Variants in ACP2 observed in about 807,000 individuals in gnomAD.
The protein encoded by ACP2 is acid phosphatase 2, lysosomal.
ACP2 carries 35 observed loss-of-function variants against 54.7 expected under a neutral mutation model. The ratio of observed to expected loss-of-function variants is 0.64; its 90% CI spans 0.49 to 0.85. The LOEUF (loss-of-function observed/expected upper bound fraction) is 0.85. ACP2 is among the 40% of genes least tolerant of loss of function. The pLI, the probability that ACP2 is intolerant of heterozygous loss-of-function variation, is 0.00. For missense variants in ACP2, 492 were observed against 565.0 expected (o/e 0.87, Z 1.31); for synonymous variants, 210 against 224.4 (o/e 0.94, Z 0.57).
In ACP2 at chr11:47,248,027, T is replaced by C; in HGVS notation, c.210+11A>G. On this transcript the variant is annotated intron_variant, in intron 2 of 10. Transcript: ENST00000672073. ...CAGCTCATCCTGAGGAAAGGCTGGC[T>C]TCTGACCCACCTTGGTTAACTGACC... 1 of 1,583,860 alleles carries C rather than the reference T, an allele frequency of 6.3e-7. No homozygotes were observed. The highest frequency in any genetic ancestry group is 1.2e-5 in the South Asian group (1 of 86,064).
chr11:47,248,200 T>C, intron 1 of ACP2, 67 bp from the exon 2 acceptor site: 1 of 1,438,278 alleles, frequency 7.0e-7, no homozygotes, highest in Non-Finnish European at 9.4e-7. Flanking sequence ...AGAGCCTACC[T>C]TTTGCCCCAT....
chr11:47,239,632 A>G lies in ACP2; in HGVS notation c.*484T>C. On this transcript the variant is annotated 3_prime_UTR_variant, in exon 11 of 11. Transcript: ENST00000672073. ...TGGCTGGCTGGCTGTTGGGTGATCC[A>G]GTTCCTTGGGAGCCAATGTTTGTAC... The G allele has an allele frequency of 6.4e-6, 1 of 156,012 alleles. No homozygotes were observed. Among genetic ancestry groups the G allele is most frequent in the Non-Finnish European group, 1.4e-5 (1 of 70,278 alleles). 9.7% of individuals were successfully genotyped at this position (156,012 alleles called of 1,614,324 possible).
Position 47,243,182 on chromosome 11 carries a change from A to G in ACP2, c.855+57T>C, listed in dbSNP as rs1251965687. On this transcript the variant is annotated intron_variant, in intron 8 of 10. Transcript: ENST00000672073. ...TTCCCCACACCCGCAGGAACCGAACAGAGAAGAAATCCAGCTCCTTGCCTG... is the reference window on the plus strand; with the variant it reads ...TTCCCCACACCCGCAGGAACCGAACGGAGAAGAAATCCAGCTCCTTGCCTG... 43 of 1,613,310 alleles carry G rather than the reference A, an allele frequency of 2.7e-5. 1 individual carries two copies. The East Asian group carries it at 9.4e-4, about 35-fold the overall frequency.
At chr11:47,244,495 A>C (rs921895708) in intron 7 of ACP2, among the ~76,000 whole-genome samples, 1 of 152,184 alleles carries the variant, frequency 6.6e-6, no homozygotes, top group Non-Finnish European at 1.5e-5. Flanking sequence ...AGCCTGGGTG[A>C]CAAGAGGGAA....
intron 6 of ACP2, 126 bp downstream of exon 6, chr11:47,245,179 C>T (rs748992995): frequency 8.0e-6 from 9 of 1,118,484 alleles, no homozygotes; most frequent in Non-Finnish European, 1.2e-5. Context: ...CCGTGTTTCA[C>T]AAGCACAGCC....
At position 47,240,019 on chromosome 11, in the gene ACP2, A is replaced by G; in HGVS notation, c.*97T>C. 7 of 1,409,174 alleles carry G rather than the reference A, an allele frequency of 5.0e-6. No homozygotes were observed. The highest frequency in any genetic ancestry group is 6.7e-6 in the Non-Finnish European group (7 of 1,040,520). The allele number at this position is 1,409,174 out of a possible 1,614,324, so 87.3% of individuals were successfully genotyped here. A position where few individuals can be genotyped will look rare whatever the true frequency, so the allele number is the denominator to read the frequency against. On this transcript the variant is annotated 3_prime_UTR_variant, in exon 11 of 11. Coordinates refer to ENST00000672073, the MANE Select transcript of ACP2 (RefSeq NM_001610.4). ...GGGTCATCAGAGGGAGGCCCAACCC[A>G]GGATCTCCTGTCCATGGGCTGGGGA... is the stretch of plus-strand genomic sequence containing the variant.
Position 47,248,263 on chromosome 11 carries a change from C to A in ACP2, c.115-130G>T. 4 of 1,069,558 alleles carry A rather than the reference C, an allele frequency of 3.7e-6. No homozygotes were observed. In the East Asian group the frequency reaches 7.5e-5, roughly 20 times the overall value. 66.3% of individuals were successfully genotyped at this position (1,069,558 alleles called of 1,614,324 possible). On this transcript the variant is annotated intron_variant, in intron 1 of 10. Coordinates refer to ENST00000672073, the MANE Select transcript of ACP2 (RefSeq NM_001610.4). The stretch of plus-strand genomic sequence containing the variant: ...GGGAAGCCTACTGGCTGCAAAAGAC[C>A]CCAGCTAGGAGTCAGTCACTTCTTC...
intron 2 of ACP2, 105 bp downstream of exon 2, chr11:47,247,933 C>T (rs558284880): frequency 1.9e-6 from 2 of 1,066,390 alleles, no homozygotes; most frequent in Non-Finnish European, 2.7e-6. Flanking sequence ...AAAGTCAGCA[C>T]CCATATGGGA....
intron 10 of ACP2, among the ~76,000 whole-genome samples, chr11:47,241,451 A>C (rs1298087010): frequency 6.6e-6 from 1 of 152,196 alleles, no homozygotes; most frequent in Non-Finnish European, 1.5e-5. Context: ...CGGGAGGCGG[A>C]GGTTGCAGTG....
chr11:47,246,590 T>C (rs1451532603), intron 3 of ACP2, among the ~76,000 whole-genome samples: 1 of 151,562 alleles, frequency 6.6e-6, no homozygotes, highest in African/African-American at 2.4e-5. Flanking sequence ...ATGTATATAT[T>C]TTGGGCCGGG....
intron 8 of ACP2, 43 bp downstream of exon 8, chr11:47,243,196 G>T: frequency 6.2e-7 from 1 of 1,613,264 alleles, no homozygotes; most frequent in Non-Finnish European, 8.5e-7. Flanking sequence ...AAGAAATCCA[G>T]CTCCTTGCCT....
intron 3 of ACP2, 86 bp from the exon 4 acceptor site, chr11:47,245,920 G>A (rs538511053): frequency 2.1e-6 from 3 of 1,447,976 alleles, no homozygotes; most frequent in Non-Finnish European, 2.7e-6. Context: ...GTGGAGCCTT[G>A]TATGTATGTG....
Position 47,244,865 on chromosome 11 carries a change from T to TGTATCG in ACP2, c.641_642insCGATAC (p.Gln214delinsHisAspThr). 1 of 1,603,700 alleles carries TGTATCG rather than the reference T, an allele frequency of 6.2e-7. No individual in the cohort carries two copies. Among genetic ancestry groups the TGTATCG allele is most frequent in the South Asian group, 1.1e-5 (1 of 90,566 alleles). On this transcript the variant is annotated protein_altering_variant and splice_region_variant, in exon 7 of 11. Transcript: ENST00000672073. Reference sequence around the variant, plus strand: ...AGGGCGGCAGGCGCAGCCCGTGCGTTTGCTGTGTATCGCAGCAGGCAGGTT... The same window carrying TGTATCG: ...AGGGCGGCAGGCGCAGCCCGTGCGTTGTATCGTGCTGTGTATCGCAGCAGGCAGGTT...
At chr11:47,248,375 G>T (rs1954297771) in intron 1 of ACP2, 1 of 1,440,492 alleles carries the variant, frequency 6.9e-7, no homozygotes, top group Non-Finnish European at 9.4e-7. Context: ...GAAAAGAGAA[G>T]TGAAAGCAAC....
At chr11:47,242,581 G>A (rs1248355866) in intron 10 of ACP2, 142 bp downstream of exon 10, 4 of 899,472 alleles carry the variant, frequency 4.4e-6, no homozygotes, top group East Asian at 2.5e-5. Flanking sequence ...TGGGGAGAAG[G>A]TATAAAGCAG....
chr11:47,244,867 G>GCT lies in ACP2; in HGVS notation c.640-2_640-1dup (p.Gln214SerfsTer23), dbSNP rs764983839. ...GGCGGCAGGCGCAGCCCGTGCGTTTGCTGTGTATCGCAGCAGGCAGGTTAG... is the reference window on the plus strand; with the variant it reads ...GGCGGCAGGCGCAGCCCGTGCGTTTGCTCTGTGTATCGCAGCAGGCAGGTTAG... On this transcript the variant is annotated frameshift_variant and splice_region_variant. Transcript: ENST00000672073. LOFTEE classifies it high-confidence loss of function. The GCT allele has an allele frequency of 1.4e-5, 23 of 1,601,234 alleles. No homozygotes were observed. In the African/African-American group the frequency reaches 2.4e-4, roughly 17 times the overall value.
chr11:47,244,613 T>G, intron 7 of ACP2, 122 bp downstream of exon 7: 1 of 664,634 alleles, frequency 1.5e-6, no homozygotes, highest in East Asian at 2.9e-5. Context: ...GGAGGGGGAT[T>G]TGGTTTTGAA....
In ACP2 at chr11:47,239,373, A is replaced by T; in HGVS notation, c.*743T>A. The T allele has an allele frequency of 5.3e-6, 1 of 187,868 alleles. No homozygotes were observed. Among genetic ancestry groups the T allele is most frequent in the Non-Finnish European group, 1.1e-5 (1 of 87,990 alleles). The allele number at this position is 187,868 out of a possible 1,614,324, so 11.6% of individuals were successfully genotyped here. ...CCAGCCCTATTCTGGGCCACAGTCT[A>T]GAACTTTCTTTTCCAGCTCACAACC... On this transcript the variant is annotated 3_prime_UTR_variant, in exon 11 of 11. Coordinates refer to ENST00000672073, the MANE Select transcript of ACP2 (RefSeq NM_001610.4).
chr11:47,248,408 G>A (rs1237025685), intron 1 of ACP2: 4 of 1,527,962 alleles, frequency 2.6e-6, no homozygotes, highest in Non-Finnish European at 3.5e-6. Context: ...GACAACTGGG[G>A]AAAAAAGATA....
Sources: gnomAD v4.1 joint callset for allele counts (sites outside exome capture counted in the v4.1 genomes callset) on GRCh38, gnomAD v4.1.1 for gene constraint, MANE v1.5 for transcripts, NCBI Gene and HGNC (gene_info 2026-07-23, HGNC 2026-07-21) for gene names.